The following AGMO variants were observed in gnomAD, a reference collection of about 807,000 sequenced individuals.
AGMO encodes the protein alkylglycerol monooxygenase.
A neutral mutation model predicts 60.2 loss-of-function variants in AGMO; 75 were observed. The observed-to-expected ratio is 1.25, with a 90% confidence interval of 1.03 to 1.51. AGMO has a LOEUF of 1.51. AGMO is among the 40% of genes most tolerant of loss of function. The pLI is 0.00. For synonymous variants in AGMO, 261 were observed against 177.1 expected (o/e 1.47, Z -3.76); for missense variants, 763 against 525.5 (o/e 1.45, Z -4.42).
At chr7:15,253,215 G>C (rs1782991282) in intron 12 of AGMO, among the ~76,000 whole-genome samples, 1 of 151,830 alleles carries the variant, frequency 6.6e-6, no homozygotes, top group African/African-American at 2.4e-5. Flanking sequence ...GAAAGGATTG[G>C]GCTTTTTCAA....
chr7:15,476,363 T>A (rs547766852), intron 3 of AGMO, among the ~76,000 whole-genome samples: 1 of 152,250 alleles, frequency 6.6e-6, no homozygotes, highest in South Asian at 2.1e-4. Flanking sequence ...ATAACTTTCA[T>A]GAAAAATTCA....
intron 5 of AGMO, chr7:15,396,062 T>C (rs1445240122): frequency 6.6e-6 from 1 of 152,216 alleles, no homozygotes; most frequent in Non-Finnish European, 1.5e-5. Context: ...AGAGTTCTTG[T>C]CTCTCTCCCT....
chr7:15,157,477 T>C, the AGMO span, among the ~76,000 whole-genome samples: 4 of 152,220 alleles, frequency 2.6e-5, no homozygotes, highest in African/African-American at 9.6e-5. Context: ...TGCAGGTACA[T>C]TCAAGTTTGC....
chr7:15,188,647 T>C, the AGMO span, among the ~76,000 whole-genome samples: 3 of 152,188 alleles, frequency 2.0e-5, no homozygotes, highest in African/African-American at 7.2e-5. Flanking sequence ...CTCTACATCC[T>C]GAGCACTGAA....
chr7:15,493,770 G>C (rs1001485273), intron 3 of AGMO, among the ~76,000 whole-genome samples: 1 of 152,156 alleles, frequency 6.6e-6, no homozygotes, highest in African/African-American at 2.4e-5. Flanking sequence ...AGAAGAAAGA[G>C]ATTCAGTTAC....
chr7:15,509,514 T>G (rs944438874), intron 3 of AGMO, among the ~76,000 whole-genome samples: 2 of 152,128 alleles, frequency 1.3e-5, no homozygotes, highest in African/African-American at 4.8e-5. Context: ...TTCCTTAACA[T>G]TGACCTTGGA....
At chr7:15,144,583 T>G in the AGMO span, among the ~76,000 whole-genome samples, 1 of 152,100 alleles carries the variant, frequency 6.6e-6, no homozygotes, top group South Asian at 2.1e-4. Flanking sequence ...CGCATGCACG[T>G]TTTTAGTCAG....
chr7:15,378,699 G>C (rs1020072438), intron 10 of AGMO, among the ~76,000 whole-genome samples: 1 of 151,818 alleles, frequency 6.6e-6, no homozygotes, highest in Admixed American at 6.6e-5. Context: ...GGACCTGATA[G>C]ATACAGTCAG....
chr7:15,520,066 T>C (rs187646945), intron 3 of AGMO, among the ~76,000 whole-genome samples: 1 of 145,600 alleles, frequency 6.9e-6, no homozygotes, highest in East Asian at 2.0e-4. Flanking sequence ...TGATAAAACA[T>C]ATTTTACACC....
rs1782378747 is a variant in AGMO, at chr7:15,354,335, TATATACAC to T, written c.1263+11171_1263+11178del. On this transcript the variant is annotated intron_variant, in intron 12 of 12. Coordinates refer to ENST00000342526, the MANE Select transcript of AGMO (RefSeq NM_001004320.2). ...ACACGCGTGTATATACGTACGCGTG[TATATACAC>T]GCGTGTATATAGACGTGTGTATATA... Among the ~76,000 whole-genome samples the T allele has an allele frequency of 4.8e-5, 4 of 83,684 alleles. 2 individuals carry two copies. The highest frequency in any genetic ancestry group is 2.0e-4 in the African/African-American group (4 of 19,956). 54.9% of individuals were successfully genotyped at this position (83,684 alleles called of 152,430 possible).
At chr7:15,390,438 T>C (rs1227409304) in intron 8 of AGMO, among the ~76,000 whole-genome samples, 1 of 152,230 alleles carries the variant, frequency 6.6e-6, no homozygotes, top group African/African-American at 2.4e-5. Context: ...CACTTTATTT[T>C]TCATTCTAGG....
chr7:15,142,074 G>A, the AGMO span, among the ~76,000 whole-genome samples: 1 of 152,054 alleles, frequency 6.6e-6, no homozygotes, highest in African/African-American at 2.4e-5. Context: ...TATACAGTGG[G>A]TTTCAGTATC....
chr7:15,309,788 C>G (rs1162347559), intron 12 of AGMO, among the ~76,000 whole-genome samples: 3 of 152,028 alleles, frequency 2.0e-5, no homozygotes, highest in Non-Finnish European at 4.4e-5. Flanking sequence ...AACTGGCTTG[C>G]CTAATGTCCC....
In AGMO at chr7:15,288,032, A is replaced by AT. The variant is rs60422426; in HGVS notation, c.1263+77481dup. Among the ~76,000 whole-genome samples the AT allele has an allele frequency of 1.2e-3, 172 of 147,494 alleles. 1 individual carries two copies. The highest frequency in any genetic ancestry group is 7.3e-3 in the South Asian group (34 of 4,684). ...TGAAAAATAACAATAATTTTATTGA[A>AT]TTTTTTTTTTTAATGGCATCTGGCT... On this transcript the variant is annotated intron_variant, in intron 12 of 12. Transcript: ENST00000342526.
At chr7:15,126,757 GT>G in the AGMO span, among the ~76,000 whole-genome samples, 63 of 152,170 alleles carry the variant, frequency 4.1e-4, no homozygotes, top group African/African-American at 1.4e-3. Context: ...GCTGTCCCTT[GT>G]GGGAAAAATC....
chr7:15,467,316 G>T (rs1178543810), intron 3 of AGMO, among the ~76,000 whole-genome samples: 1 of 152,090 alleles, frequency 6.6e-6, no homozygotes, highest in African/African-American at 2.4e-5. Flanking sequence ...AAGAGCAAGG[G>T]GTTTCTAGTG....
intron 5 of AGMO, among the ~76,000 whole-genome samples, chr7:15,402,384 A>C (rs1266213564): frequency 6.7e-6 from 1 of 150,154 alleles, no homozygotes; most frequent in Non-Finnish European, 1.5e-5. Context: ...TATCTTATCT[A>C]TCTAAACGTG....
chr7:15,284,770 C>T (rs1784056597), intron 12 of AGMO, among the ~76,000 whole-genome samples: 1 of 151,522 alleles, frequency 6.6e-6, no homozygotes. Context: ...ATAACAACAA[C>T]AACAAAAAAG....
chr7:15,193,597 A>G, the AGMO span, among the ~76,000 whole-genome samples: 1 of 152,170 alleles, frequency 6.6e-6, no homozygotes, highest in South Asian at 2.1e-4. Flanking sequence ...AATAGGGATC[A>G]ATTTCAATAT....
Sources: allele counts gnomAD v4.1 joint callset (sites outside exome capture counted in the v4.1 genomes callset), GRCh38; gene constraint gnomAD v4.1.1; transcripts MANE v1.5; gene names NCBI Gene and HGNC (gene_info 2026-07-23, HGNC 2026-07-21).